The following ANK3 variants were observed in gnomAD, a reference collection of about 807,000 sequenced individuals.
ANK3 encodes the protein ankyrin 3, also known as ankyrin-3.
In ANK3, 57 loss-of-function variants were observed where a neutral mutation model predicts 370.9. The observed-to-expected ratio is 0.15, with a 90% CI of 0.12 to 0.19. The LOEUF (loss-of-function observed/expected upper bound fraction) is 0.19, where lower values mean the gene tolerates loss of function less well. Ranked by LOEUF, ANK3 falls within the 10% of genes least tolerant of loss-of-function variation. ANK3 has a pLI of 1.00. For synonymous variants in ANK3, 1,929 were observed against 1,946.3 expected, an observed-to-expected ratio of 0.99 and a Z score of 0.23; for missense variants, 4,439 against 5,302.1, an observed-to-expected ratio of 0.84 and a Z score of 5.06.
intron 1 of ANK3, among the ~76,000 whole-genome samples, chr10:60,312,770 TG>T (rs2046621981): frequency 6.6e-6 from 1 of 152,254 alleles, no homozygotes. Flanking sequence ...TTCAGATTTT[TG>T]CCCCTTCTTT....
rs1342486823 is a variant in ANK3, at chr10:60,069,124, G to C, written c.11757C>G (p.His3919Gln). ...VKSRIPVKNT[H>Q]RDNIIAVRKA... ...TTCTAACTGCAATTATGTTATCCCT[G>C]TGTGTGTTTTTCACTGGAATTCTGG... Residue 3919 changes from histidine (H) to glutamine (Q), a missense_variant, in exon 37 of 44, where the codon CAC (histidine) becomes CAG (glutamine). By Grantham distance (24) the His-to-Gln change is conservative. Coordinates refer to ENST00000280772, the MANE Select transcript of ANK3 (RefSeq NM_020987.5). 1 of 1,613,990 alleles carries C rather than the reference G, an allele frequency of 6.2e-7. No homozygotes were observed. The highest frequency in any genetic ancestry group is 8.5e-7 in the Non-Finnish European group (1 of 1,180,030).
chr10:60,234,809 C>G (rs2097303189), intron 7 of ANK3, 23 bp from the exon 8 acceptor site: 1 of 1,526,214 alleles, frequency 6.6e-7, no homozygotes, highest in African/African-American at 1.4e-5. Flanking sequence ...GGAAAAAGTA[C>G]AGATTTGATA....
At chr10:60,583,378 G>A (rs2077782039) in intron 2 of ANK3, among the ~76,000 whole-genome samples, 1 of 152,164 alleles carries the variant, frequency 6.6e-6, no homozygotes, top group Admixed American at 6.5e-5. Flanking sequence ...GGGGGATAGT[G>A]AGACATTGAT....
chr10:60,042,565 T>C (rs1045636191), intron 43 of ANK3, 107 bp downstream of exon 43: 34 of 1,111,172 alleles, frequency 3.1e-5, no homozygotes, highest in Non-Finnish European at 3.9e-5. Flanking sequence ...AAAGCTGAAA[T>C]TCAGTGAAAA....
chr10:60,050,081 C>A (rs1390622736), intron 42 of ANK3, among the ~76,000 whole-genome samples: 1 of 152,142 alleles, frequency 6.6e-6, no homozygotes, highest in Non-Finnish European at 1.5e-5. Flanking sequence ...CTTGAAGACA[C>A]TGATTATGAG....
intron 13 of ANK3, among the ~76,000 whole-genome samples, chr10:60,199,745 C>CATAA (rs1237126467): frequency 6.6e-6 from 1 of 151,566 alleles, no homozygotes; most frequent in African/African-American, 2.4e-5. Flanking sequence ...TGACAGCTGA[C>CATAA]TTATAAGTCA....
intron 8 of ANK3, among the ~76,000 whole-genome samples, chr10:60,233,978 G>C (rs1407272607): frequency 6.6e-6 from 1 of 152,144 alleles, no homozygotes; most frequent in Admixed American, 6.5e-5. Context: ...AGATGTCTCA[G>C]ATAAGTGGAA....
chr10:60,684,645 T>C (rs1346164488), intron 1 of ANK3: 1 of 1,588,862 alleles, frequency 6.3e-7, no homozygotes, highest in African/African-American at 1.3e-5. Context: ...AATTTGTAAA[T>C]ACCGTACCTA....
intron 1 of ANK3, among the ~76,000 whole-genome samples, chr10:60,688,715 G>A (rs1031937287): frequency 2.8e-4 from 42 of 152,230 alleles, no homozygotes; most frequent in Non-Finnish European, 4.4e-4. Context: ...TTAGGAGGCC[G>A]AGGCGGGCGG....
At chr10:60,659,693 A>G (rs12783888) in intron 1 of ANK3, among the ~76,000 whole-genome samples, 43,946 of 151,894 alleles carry the variant, frequency 0.29, 6,988 homozygotes, top group South Asian at 0.49. Flanking sequence ...GTGACTAAGG[A>G]AAAGACTGCC....
At chr10:60,505,297 A>T (rs2075907595) in intron 2 of ANK3, among the ~76,000 whole-genome samples, 1 of 151,998 alleles carries the variant, frequency 6.6e-6, no homozygotes, top group African/African-American at 2.4e-5. Context: ...TGACCTTTAA[A>T]AATTATAGCA....
Position 60,396,240 on chromosome 10 carries a change from C to A in ANK3, c.97-116601G>T, listed in dbSNP as rs1354845175. 2.6e-5 allele frequency among the ~76,000 whole-genome samples: 4 copies of A among 152,040 alleles called. No homozygotes were observed. The East Asian group carries it at 7.7e-4, about 29-fold the overall frequency. ...TTAGTATGGGTGAATTGAAAGTGACCAGATAGGGAACAATTGTTTTTGAAC... is the reference window on the plus strand; with the variant it reads ...TTAGTATGGGTGAATTGAAAGTGACAAGATAGGGAACAATTGTTTTTGAAC... On this transcript the variant is annotated intron_variant, in intron 2 of 43. Transcript: ENST00000373827.
chr10:60,083,625 A>G lies in ANK3; in HGVS notation c.4075-8T>C, dbSNP rs751853447. 51 of 1,576,084 alleles carry G rather than the reference A, an allele frequency of 3.2e-5. No homozygotes were observed. In the East Asian group the frequency reaches 1.1e-3, roughly 35 times the overall value. On this transcript the variant is annotated splice_region_variant and splice_polypyrimidine_tract_variant and intron_variant, in intron 32 of 43. Coordinates refer to ENST00000280772, the MANE Select transcript of ANK3 (RefSeq NM_020987.5). ...AGGTTTTCCTTCCAGAACCTTTTAG[A>G]GTAAAAGAAATAAACAATTTAATGT...
intron 29 of ANK3, 49 bp from the exon 30 acceptor site, chr10:60,086,933 T>TC: frequency 7.4e-7 from 1 of 1,353,566 alleles, no homozygotes; most frequent in Non-Finnish European, 9.9e-7. Flanking sequence ...TTTTTTTTTT[T>TC]TTCCCAATCA....
At chr10:60,642,637 T>TGCG (rs2078650927) in intron 1 of ANK3, among the ~76,000 whole-genome samples, 1 of 144,726 alleles carries the variant, frequency 6.9e-6, no homozygotes, top group Admixed American at 6.9e-5. Context: ...TGTTGTGGGG[T>TGCG]GGGGGGGCGA....
chr10:60,549,104 T>C (rs559439203), intron 2 of ANK3, among the ~76,000 whole-genome samples: 15 of 150,648 alleles, frequency 1.0e-4, no homozygotes, highest in South Asian at 2.1e-4. Context: ...TAATCAATAA[T>C]TGCTACACAA....
intron 37 of ANK3, among the ~76,000 whole-genome samples, chr10:60,068,304 T>C (rs1323959102): frequency 6.6e-6 from 1 of 152,170 alleles, no homozygotes; most frequent in Non-Finnish European, 1.5e-5. Context: ...CATGATGGGA[T>C]TTCAACATCT....
chr10:60,180,069 A>G (rs1247579166), intron 18 of ANK3, among the ~76,000 whole-genome samples: 1 of 152,180 alleles, frequency 6.6e-6, no homozygotes, highest in East Asian at 1.9e-4. Flanking sequence ...GCAAATTTCC[A>G]AAGTCAAGAA....
intron 14 of ANK3, among the ~76,000 whole-genome samples, chr10:60,197,483 CCTGAATA>C (rs1409426989): frequency 6.6e-6 from 1 of 152,094 alleles, no homozygotes; most frequent in Non-Finnish European, 1.5e-5. Flanking sequence ...TGGTGAAATG[CCTGAATA>C]CTCAAGACCC....
Sources: gnomAD v4.1 joint callset for allele counts (sites outside exome capture counted in the v4.1 genomes callset) on GRCh38, gnomAD v4.1.1 for gene constraint, MANE v1.5 for transcripts, NCBI Gene and HGNC (gene_info 2026-07-23, HGNC 2026-07-21) for gene names.